The following RPS3 variants were observed in gnomAD, a reference collection of about 807,000 sequenced individuals.
RPS3 encodes small ribosomal subunit protein uS3.
Under a neutral mutation model 25.8 loss-of-function variants are expected in RPS3, and 2 were observed. The observed-to-expected ratio is 0.08, with a 90% CI of 0.03 to 0.24. RPS3 has a LOEUF of 0.24. Among genes scored for constraint, RPS3 ranks in the 10% least tolerant of loss-of-function variants. The pLI is 1.00. For missense variants in RPS3, 107 were observed against 307.1 expected (o/e 0.35, Z 4.87); for synonymous variants, 114 against 114.2 (o/e 1.00, Z 0.01).
In RPS3 at chr11:75,400,836, T is replaced by C. The variant is rs200779146; in HGVS notation, c.161+12T>C. The C allele has an allele frequency of 6.2e-7, 1 of 1,609,222 alleles. No homozygotes were observed. Among genetic ancestry groups the C allele is most frequent in the African/African-American group, 1.3e-5 (1 of 74,882 alleles). ...ATCTTAGCCACCAGGTAAAACTCAT[T>C]TGACTGGCCATCACCTATAATTGTT... On this transcript the variant is annotated intron_variant, in intron 2 of 6. Transcript: ENST00000531188.
At chr11:75,410,159 C>CG (rs1330660770), downstream of RPS3, among the ~76,000 whole-genome samples, 32 of 150,214 alleles carry the variant, frequency 2.1e-4, no homozygotes, top group Non-Finnish European at 4.0e-4. Flanking sequence ...GCTGGCCGGG[C>CG]GGGGGGCTGA....
intron 6 of RPS3, among the ~76,000 whole-genome samples, chr11:75,414,368 T>TG (rs1948380186): frequency 6.6e-6 from 1 of 152,184 alleles, no homozygotes; most frequent in Non-Finnish European, 1.5e-5. Context: ...TCCCAGCACT[T>TG]TGGGAGGCCG....
At chr11:75,408,125 CTTAA>C (rs1489021922), downstream of RPS3, among the ~76,000 whole-genome samples, 4 of 151,246 alleles carry the variant, frequency 2.6e-5, no homozygotes, top group South Asian at 2.1e-4. Flanking sequence ...AAGAAATAAA[CTTAA>C]TTGTGACAGA....
chr11:75,400,411 C>A, intron 1 of RPS3: 1 of 551,726 alleles, frequency 1.8e-6, no homozygotes, highest in Non-Finnish European at 3.6e-6. Flanking sequence ...GAGATGATGA[C>A]GAGTCTGACT....
chr11:75,409,900 G>A (rs537930254), downstream of RPS3, among the ~76,000 whole-genome samples: 107 of 145,794 alleles, frequency 7.3e-4, no homozygotes, highest in African/African-American at 2.7e-3. Flanking sequence ...GGGCAGAGGC[G>A]CCCCTCACCT....
chr11:75,400,844 C>G lies in RPS3; in HGVS notation c.161+20C>G. On this transcript the variant is annotated intron_variant, in intron 2 of 6. Transcript: ENST00000531188. ...CACCAGGTAAAACTCATTTGACTGG[C>G]CATCACCTATAATTGTTATAAATGC... The G allele has an allele frequency of 6.2e-7, 1 of 1,606,994 alleles. No individual in the cohort carries two copies. Among genetic ancestry groups the G allele is most frequent in the Non-Finnish European group, 8.5e-7 (1 of 1,177,008 alleles).
At chr11:75,418,465 T>C (rs767991895) in intron 6 of RPS3, among the ~76,000 whole-genome samples, 54 of 152,224 alleles carry the variant, frequency 3.5e-4, no homozygotes, top group Non-Finnish European at 6.3e-4. Flanking sequence ...ACACGATGGG[T>C]GGCAGCAGTG....
intron 6 of RPS3, among the ~76,000 whole-genome samples, chr11:75,415,209 G>T (rs1322028333): frequency 6.6e-6 from 1 of 152,210 alleles, no homozygotes; most frequent in Non-Finnish European, 1.5e-5. Context: ...GTCAGACCTG[G>T]GATCAAATTC....
chr11:75,418,784 T>G (rs1193587786), intron 6 of RPS3, among the ~76,000 whole-genome samples: 1 of 152,226 alleles, frequency 6.6e-6, no homozygotes, highest in Non-Finnish European at 1.5e-5. Flanking sequence ...TGCTGCCTGG[T>G]CCAGTGCTGT....
intron 6 of RPS3, among the ~76,000 whole-genome samples, chr11:75,417,694 A>G (rs1948410909): frequency 6.6e-6 from 1 of 152,202 alleles, no homozygotes; most frequent in Non-Finnish European, 1.5e-5. Context: ...TGAGCCTGGC[A>G]GGTAAGAAAC....
chr11:75,415,320 G>A lies in RPS3; in HGVS notation c.*4-6407G>A, dbSNP rs192447639. 2.6e-5 allele frequency among the ~76,000 whole-genome samples: 4 copies of A among 152,240 alleles called. No homozygotes were observed. The East Asian group carries it at 5.8e-4, about 22-fold the overall frequency. ...TTAAAGGAGATGTAACTACTAATAC[G>A]CATTTCTGTGTTTCTTCTCTAGTGT... On this transcript the variant is annotated intron_variant, in intron 6 of 6. Transcript: ENST00000527446.
chr11:75,414,945 G>A (rs996529620), intron 6 of RPS3, among the ~76,000 whole-genome samples: 4 of 152,208 alleles, frequency 2.6e-5, no homozygotes, highest in South Asian at 2.1e-4. Context: ...AGCCCACAGC[G>A]TAATGTGATA....
At position 75,400,827 on chromosome 11, in the gene RPS3, A is replaced by G. The variant is rs1363776552; in HGVS notation, c.161+3A>G. On this transcript the variant is annotated splice_donor_region_variant and intron_variant, in intron 2 of 6. Coordinates refer to ENST00000531188, the MANE Select transcript of RPS3 (RefSeq NM_001005.5). ...GAAATCATTATCTTAGCCACCAGGT[A>G]AAACTCATTTGACTGGCCATCACCT... 1.2e-6 allele frequency: 2 copies of G among 1,610,664 alleles called. No individual in the cohort carries two copies. Among genetic ancestry groups the G allele is most frequent in the African/African-American group, 1.3e-5 (1 of 74,946 alleles).
intron 1 of RPS3, 29 bp downstream of exon 1, chr11:75,399,606 AC>A: frequency 6.2e-7 from 1 of 1,607,370 alleles, no homozygotes; most frequent in South Asian, 1.1e-5. Context: ...GGTTCGGAGA[AC>A]GACGGCGCCG....
chr11:75,402,233 G>A, intron 3 of RPS3, 119 bp from the exon 4 acceptor site: 5 of 1,493,270 alleles, frequency 3.3e-6, no homozygotes, highest in Middle Eastern at 1.7e-4. Flanking sequence ...GCAGCATGCG[G>A]CCCGTGGGTT....
At chr11:75,414,174 A>T (rs922035862) in intron 6 of RPS3, among the ~76,000 whole-genome samples, 1 of 152,154 alleles carries the variant, frequency 6.6e-6, no homozygotes, top group Non-Finnish European at 1.5e-5. Context: ...GCCATACTCA[A>T]TGCCCCTCCC....
At chr11:75,417,239 A>G (rs1003268061) in intron 6 of RPS3, among the ~76,000 whole-genome samples, 1 of 151,886 alleles carries the variant, frequency 6.6e-6, no homozygotes, top group Non-Finnish European at 1.5e-5. Context: ...GGAGGCCGAA[A>G]TGGGAGAATC....
At chr11:75,409,224 T>TTC (rs1344375675), downstream of RPS3, among the ~76,000 whole-genome samples, 2 of 147,734 alleles carry the variant, frequency 1.4e-5, no homozygotes, top group Non-Finnish European at 3.0e-5. Flanking sequence ...TCTTGGGTGT[T>TTC]TCTCGCAGAG....
At chr11:75,408,554 C>A (rs192553468), downstream of RPS3, among the ~76,000 whole-genome samples, 61 of 152,174 alleles carry the variant, frequency 4.0e-4, no homozygotes, top group African/African-American at 1.4e-3. Flanking sequence ...TGGCTCATGT[C>A]TGTAATCTTT....
Sources: allele counts gnomAD v4.1 joint callset (sites outside exome capture counted in the v4.1 genomes callset), GRCh38; gene constraint gnomAD v4.1.1; transcripts MANE v1.5; gene names NCBI Gene and HGNC (gene_info 2026-07-23, HGNC 2026-07-21).